ACOXL: variants seen among roughly 807,000 people sequenced by gnomAD.
The protein encoded by ACOXL is acyl-CoA oxidase like, also known as acyl-coenzyme A oxidase-like protein.
A neutral mutation model predicts 71.9 loss-of-function variants in ACOXL; 70 were observed. The observed-to-expected ratio is 0.97, with a 90% CI of 0.80 to 1.19. The LOEUF is 1.19. Ranked by LOEUF, ACOXL falls within the 50% of genes most tolerant of loss-of-function variation. ACOXL has a pLI of 0.00. For synonymous variants in ACOXL, 253 were observed against 281.6 expected (o/e 0.90, Z 1.02); for missense variants, 703 against 736.3 (o/e 0.95, Z 0.52).
Position 110,963,566 on chromosome 2 carries a change from TGTGTGTG to T in ACOXL, c.1060-23541_1060-23535del, listed in dbSNP as rs2061788495. On this transcript the variant is annotated intron_variant, in intron 12 of 17. Transcript: ENST00000439055. ...TAGTGATGGGATCGCAAATTTGAAATGTGTGTGTGTGTGTGTGTGTGTGTGTGTGTGT... is the reference window on the plus strand; with the variant it reads ...TAGTGATGGGATCGCAAATTTGAAATTGTGTGTGTGTGTGTGTGTGTGTGT... The T allele has an allele frequency of 5.6e-3, 321 of 57,672 alleles. 1 individual carries two copies. In the South Asian group the frequency reaches 0.096, roughly 17 times the overall value. 3.6% of individuals were successfully genotyped at this position (57,672 alleles called of 1,614,324 possible).
intron 10 of ACOXL, among the ~76,000 whole-genome samples, chr2:110,864,789 T>C (rs1694360673): frequency 6.6e-6 from 1 of 152,246 alleles, no homozygotes; most frequent in Non-Finnish European, 1.5e-5. Context: ...GCCTTGTGAA[T>C]AATCCAGCTC....
At chr2:110,741,871 G>A (rs1677586581) in intron 1 of ACOXL, among the ~76,000 whole-genome samples, 1 of 152,244 alleles carries the variant, frequency 6.6e-6, no homozygotes, top group South Asian at 2.1e-4. Context: ...AGTTGGGGCA[G>A]GGGGTGGGCT....
chr2:110,993,300 C>T (rs2063255951), intron 13 of ACOXL, among the ~76,000 whole-genome samples: 1 of 152,210 alleles, frequency 6.6e-6, no homozygotes, highest in Non-Finnish European at 1.5e-5. Flanking sequence ...CTTGGACAAT[C>T]TCACTACGCA....
At chr2:110,962,857 A>G (rs1289888588) in intron 12 of ACOXL, among the ~76,000 whole-genome samples, 1 of 152,250 alleles carries the variant, frequency 6.6e-6, no homozygotes. Context: ...TTGTGGAAGC[A>G]GGCTTGGACG....
At chr2:111,055,911 C>G (rs998806294) in intron 16 of ACOXL, among the ~76,000 whole-genome samples, 1 of 152,178 alleles carries the variant, frequency 6.6e-6, no homozygotes, top group Non-Finnish European at 1.5e-5. Flanking sequence ...TCCACCTTCT[C>G]TTATCCTCGT....
At chr2:110,976,071 A>C (rs367712994) in intron 12 of ACOXL, among the ~76,000 whole-genome samples, 1 of 152,208 alleles carries the variant, frequency 6.6e-6, no homozygotes, top group African/African-American at 2.4e-5. Flanking sequence ...GGCGGGACCC[A>C]TTGGAAGAGA....
chr2:110,766,505 A>C (rs1304512010), intron 1 of ACOXL, among the ~76,000 whole-genome samples: 1 of 152,178 alleles, frequency 6.6e-6, no homozygotes, highest in African/African-American at 2.4e-5. Flanking sequence ...CTGAGCTGCC[A>C]TCAGGAAGGG....
At chr2:110,743,626 G>A (rs1677812080) in intron 1 of ACOXL, among the ~76,000 whole-genome samples, 1 of 152,146 alleles carries the variant, frequency 6.6e-6, no homozygotes, top group Admixed American at 6.5e-5. Context: ...ATCCTCGATT[G>A]ACCAGGACTG....
intron 13 of ACOXL, among the ~76,000 whole-genome samples, chr2:110,995,494 T>A: frequency 3.6e-4 from 1 of 2,810 alleles, no homozygotes; most frequent in Non-Finnish European, 8.0e-4. Context: ...AGTGAGACTC[T>A]GTCTCAAAAA....
At chr2:110,740,245 T>G (rs1202431826) in intron 1 of ACOXL, among the ~76,000 whole-genome samples, 2 of 152,258 alleles carry the variant, frequency 1.3e-5, no homozygotes, top group Non-Finnish European at 2.9e-5. Flanking sequence ...CAGATTATCT[T>G]CCAAAGGCTC....
At chr2:111,112,425 C>T (rs189864830) in intron 17 of ACOXL, among the ~76,000 whole-genome samples, 8 of 152,266 alleles carry the variant, frequency 5.3e-5, no homozygotes, top group Non-Finnish European at 7.3e-5. Flanking sequence ...GATTATGCCT[C>T]GTGTGAGTGT....
intron 1 of ACOXL, among the ~76,000 whole-genome samples, chr2:110,735,584 CG>C (rs1267252328): frequency 6.6e-6 from 1 of 152,218 alleles, no homozygotes; most frequent in African/African-American, 2.4e-5. Flanking sequence ...TGCTGGCCAT[CG>C]GCTCCCAGGG....
intron 10 of ACOXL, among the ~76,000 whole-genome samples, chr2:110,850,905 A>G (rs1692519585): frequency 6.6e-6 from 1 of 152,208 alleles, no homozygotes; most frequent in Non-Finnish European, 1.5e-5. Context: ...ACTGAAGACA[A>G]TTCCAAATGT....
chr2:110,736,139 T>A (rs1676807254), intron 1 of ACOXL, among the ~76,000 whole-genome samples: 1 of 152,228 alleles, frequency 6.6e-6, no homozygotes, highest in African/African-American at 2.4e-5. Context: ...GAACACGTTC[T>A]CACTAGGAAG....
chr2:111,018,573 A>G (rs1205768175), intron 14 of ACOXL, among the ~76,000 whole-genome samples: 2 of 152,150 alleles, frequency 1.3e-5, no homozygotes, highest in Non-Finnish European at 2.9e-5. Flanking sequence ...TGTAGGGGTC[A>G]TGGCCTGATC....
intron 12 of ACOXL, among the ~76,000 whole-genome samples, chr2:110,945,534 C>T (rs933250355): frequency 2.0e-5 from 3 of 152,004 alleles, no homozygotes; most frequent in Non-Finnish European, 2.9e-5. Context: ...CTGTAAGGAA[C>T]GGGTCCAGTT....
chr2:110,767,709 C>T (rs913931126), intron 1 of ACOXL, among the ~76,000 whole-genome samples: 5 of 152,184 alleles, frequency 3.3e-5, no homozygotes, highest in Non-Finnish European at 4.4e-5. Context: ...CACTCCCTTG[C>T]CCCTATCTCC....
At chr2:110,948,289 G>A (rs926239455) in intron 12 of ACOXL, among the ~76,000 whole-genome samples, 7 of 152,190 alleles carry the variant, frequency 4.6e-5, no homozygotes, top group African/African-American at 1.2e-4. Context: ...GCGACTGAGC[G>A]ATTATATTTA....
At position 110,933,592 on chromosome 2, in the gene ACOXL, TG is replaced by T. The variant is rs746757997; in HGVS notation, c.1012del (p.Glu338ArgfsTer50). 1 of 1,613,788 alleles carries T rather than the reference TG, an allele frequency of 6.2e-7. No individual in the cohort carries two copies. On this transcript the variant is annotated frameshift_variant, in exon 12 of 18. Coordinates refer to ENST00000439055, the MANE Select transcript of ACOXL (RefSeq NM_001142807.4). LOFTEE classifies it high-confidence loss of function. ...LVAGLKAYST[W>X]ENIRCLQDCR... ...GGCGGGGCTGAAGGCCTACAGCACC[TG>T]GGAGAACATCCGCTGCCTGCAGGAC...
Sources: gnomAD v4.1 joint callset for allele counts (sites outside exome capture counted in the v4.1 genomes callset) on GRCh38, gnomAD v4.1.1 for gene constraint, MANE v1.5 for transcripts, NCBI Gene and HGNC (gene_info 2026-07-23, HGNC 2026-07-21) for gene names.